The following ALG14 variants were observed in gnomAD, a reference collection of about 807,000 sequenced individuals.
ALG14 encodes UDP-N-acetylglucosamine transferase subunit ALG14.
In ALG14, 17 loss-of-function variants were observed where a neutral mutation model predicts 22.8. The observed-to-expected ratio is 0.75, with a 90% CI of 0.51 to 1.12. The LOEUF is 1.12. Among genes scored for constraint, ALG14 ranks in the 50% most tolerant of loss-of-function variants. The probability of loss-of-function intolerance (pLI) is 0.00; values close to 1 mark genes in which losing one functional copy is unlikely to be tolerated. For synonymous variants in ALG14, 89 were observed against 103.7 expected, an observed-to-expected ratio of 0.86 and a Z score of 0.86; for missense variants, 288 against 271.8, an observed-to-expected ratio of 1.06 and a Z score of -0.42.
intron 3 of ALG14, among the ~76,000 whole-genome samples, chr1:94,992,887 C>G (rs1672809010): frequency 6.6e-6 from 1 of 151,820 alleles, no homozygotes; most frequent in Non-Finnish European, 1.5e-5. Context: ...AGTGCTTGCT[C>G]CACGGTAATG....
chr1:95,030,538 G>A lies in ALG14; in HGVS notation c.289-3278C>T, dbSNP rs1369167647. Among the ~76,000 whole-genome samples the A allele has an allele frequency of 3.3e-5, 5 of 152,274 alleles. No homozygotes were observed. In the East Asian group the frequency reaches 9.6e-4, roughly 29 times the overall value. Reference sequence around the variant, plus strand: ...ATATTTTATTTAAAAAAGCATGGGTGTTTATCATGTTCCTTTAATTTTGTT... The same window carrying A: ...ATATTTTATTTAAAAAAGCATGGGTATTTATCATGTTCCTTTAATTTTGTT... On this transcript the variant is annotated intron_variant, in intron 2 of 3. Coordinates refer to ENST00000370205, the MANE Select transcript of ALG14 (RefSeq NM_144988.4).
intron 2 of ALG14, among the ~76,000 whole-genome samples, chr1:95,055,775 G>C (rs1051044953): frequency 7.3e-6 from 1 of 137,890 alleles, no homozygotes; most frequent in Non-Finnish European, 1.5e-5. Flanking sequence ...GGCGGATCAC[G>C]AGGTCAGCAG....
intron 2 of ALG14, among the ~76,000 whole-genome samples, chr1:95,055,562 T>G (rs1339290635): frequency 6.6e-6 from 1 of 152,112 alleles, no homozygotes; most frequent in African/African-American, 2.4e-5. Flanking sequence ...AGTTTCTGGA[T>G]AGGAAGACAT....
At chr1:95,027,432 G>T (rs1258444888) in intron 2 of ALG14, among the ~76,000 whole-genome samples, 172 bp from the exon 3 acceptor site, 2 of 152,170 alleles carry the variant, frequency 1.3e-5, no homozygotes, top group Non-Finnish European at 2.9e-5. Context: ...TAACACATCA[G>T]ATGGGATCAC....
intron 2 of ALG14, among the ~76,000 whole-genome samples, chr1:95,047,086 AT>A (rs1323099188): frequency 2.0e-5 from 3 of 152,126 alleles, no homozygotes; most frequent in African/African-American, 7.2e-5. Context: ...ACAGAATTAA[AT>A]TTTTTTTAAA....
At chr1:95,044,882 T>A (rs139414035) in intron 2 of ALG14, among the ~76,000 whole-genome samples, 6,677 of 151,780 alleles carry the variant, frequency 0.044, 200 homozygotes, top group South Asian at 0.082. Flanking sequence ...ATTTTTTTTT[T>A]AAAAAAAGCA....
chr1:94,989,149 C>A (rs748964166), intron 3 of ALG14, among the ~76,000 whole-genome samples: 1 of 152,050 alleles, frequency 6.6e-6, no homozygotes, highest in African/African-American at 2.4e-5. Flanking sequence ...AGGCTGACTC[C>A]TTTTTTGTTA....
At chr1:95,044,768 A>C (rs1396309295) in intron 2 of ALG14, among the ~76,000 whole-genome samples, 2 of 152,138 alleles carry the variant, frequency 1.3e-5, no homozygotes, top group Non-Finnish European at 2.9e-5. Flanking sequence ...GAGCTCCATG[A>C]TGGCAGACAT....
chr1:95,072,677 T>C (rs1051567355), intron 1 of ALG14, 86 bp downstream of exon 1: 1 of 1,548,422 alleles, frequency 6.5e-7, no homozygotes, highest in South Asian at 1.2e-5. Flanking sequence ...CAAGAAGTGC[T>C]AAGGGTACCA....
intron 3 of ALG14, 145 bp downstream of exon 3, chr1:95,026,984 G>A (rs112595899): frequency 2.0e-6 from 2 of 1,024,294 alleles, no homozygotes; most frequent in Non-Finnish European, 2.8e-6. Flanking sequence ...GGAAGTCCAA[G>A]ATCAAGGCAC....
chr1:94,983,883 A>C (rs1264197045), intron 3 of ALG14, among the ~76,000 whole-genome samples: 1 of 151,822 alleles, frequency 6.6e-6, no homozygotes, highest in Non-Finnish European at 1.5e-5. Flanking sequence ...CTGGGACTAC[A>C]GGCGCCCGCC....
chr1:95,014,596 T>A (rs181306253), intron 3 of ALG14, among the ~76,000 whole-genome samples: 43 of 152,296 alleles, frequency 2.8e-4, no homozygotes, highest in African/African-American at 9.9e-4. Flanking sequence ...TCACAGCAGT[T>A]ACTCAATACA....
At chr1:94,986,300 A>G (rs1456691729) in intron 3 of ALG14, among the ~76,000 whole-genome samples, 1 of 152,198 alleles carries the variant, frequency 6.6e-6, no homozygotes, top group African/African-American at 2.4e-5. Flanking sequence ...TGCACCTAGA[A>G]CAAAGCAGCC....
At chr1:95,038,681 CA>C (rs34228707) in intron 2 of ALG14, among the ~76,000 whole-genome samples, 32,169 of 94,578 alleles carry the variant, frequency 0.34, 4,349 homozygotes, top group African/African-American at 0.47. Flanking sequence ...AACTTCACCT[CA>C]AAAAAAAAAA....
intron 2 of ALG14, among the ~76,000 whole-genome samples, chr1:95,051,680 G>C (rs953231820): frequency 2.0e-5 from 3 of 152,108 alleles, no homozygotes; most frequent in African/African-American, 7.2e-5. Flanking sequence ...CCTTCGCTTT[G>C]GCTACATGGA....
At chr1:95,053,651 C>T (rs1031687915) in intron 2 of ALG14, among the ~76,000 whole-genome samples, 2 of 152,100 alleles carry the variant, frequency 1.3e-5, no homozygotes, top group African/African-American at 4.8e-5. Flanking sequence ...ACCTCAAACT[C>T]CTGGGTTCAA....
At chr1:95,020,083 T>G (rs1205438257) in intron 3 of ALG14, among the ~76,000 whole-genome samples, 1 of 151,832 alleles carries the variant, frequency 6.6e-6, no homozygotes, top group Non-Finnish European at 1.5e-5. Flanking sequence ...CTGGGTGTGG[T>G]GTCATGCGTC....
At chr1:95,045,104 T>C (rs1312901542) in intron 2 of ALG14, among the ~76,000 whole-genome samples, 4 of 152,200 alleles carry the variant, frequency 2.6e-5, no homozygotes, top group African/African-American at 9.7e-5. Flanking sequence ...ATTATTTTTC[T>C]AACAGTTAAA....
rs148226509 is a variant in ALG14, at chr1:95,008,068, T to C, written c.420+19061A>G. 1.8e-3 allele frequency among the ~76,000 whole-genome samples: 274 copies of C among 152,332 alleles called. 1 individual carries two copies. The highest frequency in any genetic ancestry group is 3.4e-3 in the Middle Eastern group (1 of 294). On this transcript the variant is annotated intron_variant, in intron 3 of 3. Transcript: ENST00000370205. ...AGACATCTATTTTTGTTTTTCTCAGTATTTCTTTCTTCTGAGAATCGCTTC... is the reference window on the plus strand; with the variant it reads ...AGACATCTATTTTTGTTTTTCTCAGCATTTCTTTCTTCTGAGAATCGCTTC...
Sources: gnomAD v4.1 joint callset for allele counts (sites outside exome capture counted in the v4.1 genomes callset) on GRCh38, gnomAD v4.1.1 for gene constraint, MANE v1.5 for transcripts, NCBI Gene and HGNC (gene_info 2026-07-23, HGNC 2026-07-21) for gene names.